NYNRIN: variants seen among roughly 807,000 people sequenced by gnomAD.
NYNRIN encodes the protein protein NYNRIN.
A neutral mutation model predicts 146.6 loss-of-function variants in NYNRIN; 86 were observed. The observed-to-expected ratio is 0.59, with a 90% CI of 0.49 to 0.70. NYNRIN has a LOEUF of 0.70. Ranked by LOEUF, NYNRIN falls within the 30% of genes least tolerant of loss-of-function variation. NYNRIN has a pLI of 0.00. For synonymous variants in NYNRIN, 1,027 were observed against 1,001.3 expected, an observed-to-expected ratio of 1.03 and a Z score of -0.48; for missense variants, 2,191 against 2,377.7, an observed-to-expected ratio of 0.92 and a Z score of 1.63.
Position 24,409,172 on chromosome 14 carries a change from T to A in NYNRIN, c.1378T>A (p.Leu460Met). 6.2e-7 allele frequency: 1 copy of A among 1,613,984 alleles called. No individual in the cohort carries two copies. The highest frequency in any genetic ancestry group is 1.7e-5 in the Admixed American group (1 of 60,024). Residue 460 changes from leucine (L) to methionine (M), a missense_variant, in exon 4 of 9, where the codon TTG (leucine) becomes ATG (methionine). By Grantham distance (15) the Leu-to-Met change is conservative. Coordinates refer to ENST00000382554, the MANE Select transcript of NYNRIN (RefSeq NM_025081.3). ...GATTTCCCCAAAAGTTACGAGTTTA[T>A]TGGTGGTCCCTGGGAGCTCAGATGT... ...PEISPKVTSL[L>M]VVPGSSDVKD...
chr14:24,403,118 G>A (rs532629216), intron 2 of NYNRIN, among the ~76,000 whole-genome samples: 54 of 152,250 alleles, frequency 3.5e-4, no homozygotes, highest in African/African-American at 1.1e-3. Flanking sequence ...CTAAATCTAC[G>A]TTTAGCATTG....
chr14:24,409,570 A>G lies in NYNRIN; in HGVS notation c.1776A>G (p.Pro592=). The G allele has an allele frequency of 6.2e-7, 1 of 1,610,930 alleles. No individual in the cohort carries two copies. Among genetic ancestry groups the G allele is most frequent in the Non-Finnish European group, 8.5e-7 (1 of 1,178,516 alleles). ...EPAAPEVPLA[P]TKPTAQLMAT... ...CAGCTCCCGAAGTGCCTTTGGCTCC[A>G]ACAAAGCCAACAGCTCAACTGATGG... Residue 592 remains proline (P), a synonymous_variant, in exon 4 of 9, where the codon CCA becomes CCG. Coordinates refer to ENST00000382554, the MANE Select transcript of NYNRIN (RefSeq NM_025081.3).
chr14:24,418,019 TGGCCTGCAC>T lies in NYNRIN; in HGVS notation c.*574_*582del. 3.3e-6 allele frequency: 1 copy of T among 300,282 alleles called. No individual in the cohort carries two copies. The highest frequency in any genetic ancestry group is 1.3e-4 in the East Asian group (1 of 7,830). 18.6% of individuals were successfully genotyped at this position (300,282 alleles called of 1,614,324 possible). ...ACGGTCAGCTTTCTCAAGCCAGGTGTGGCCTGCACAGCTCTCAGGGCAGGGCTGGCCATC... is the reference window on the plus strand; with the variant it reads ...ACGGTCAGCTTTCTCAAGCCAGGTGTAGCTCTCAGGGCAGGGCTGGCCATC... On this transcript the variant is annotated 3_prime_UTR_variant, in exon 9 of 9. Transcript: ENST00000382554.
At chr14:24,403,152 G>A (rs992286495) in intron 2 of NYNRIN, among the ~76,000 whole-genome samples, 4 of 152,128 alleles carry the variant, frequency 2.6e-5, no homozygotes, top group South Asian at 2.1e-4. Context: ...TGCACATAGC[G>A]TTCACATCGA....
chr14:24,413,531 T>C (rs1302729510), intron 8 of NYNRIN, 114 bp downstream of exon 8: 6 of 681,432 alleles, frequency 8.8e-6, no homozygotes, highest in African/African-American at 1.8e-5. Context: ...TCTGACTTTT[T>C]CATGTCTTTA....
chr14:24,415,529 C>G lies in NYNRIN; in HGVS notation c.3780C>G (p.Leu1260=). 3 of 1,613,894 alleles carry G rather than the reference C, an allele frequency of 1.9e-6. No individual in the cohort carries two copies. The highest frequency in any genetic ancestry group is 1.6e-4 in the Middle Eastern group (1 of 6,062). The change falls in exon 9 of 9, where the codon CTC becomes CTG. Residue 1260 remains leucine (L), a synonymous_variant. Transcript: ENST00000382554. ...AAGCTTGGTTGATCCGATGGTCCCT[C>G]TTGGTTCAGGACAAAGGCAAGAGGG... ...VSKAWLIRWS[L]LVQDKGKRAL...
chr14:24,407,512 C>G (rs1242814842), intron 2 of NYNRIN, among the ~76,000 whole-genome samples: 1 of 152,210 alleles, frequency 6.6e-6, no homozygotes, highest in Non-Finnish European at 1.5e-5. Context: ...CAGGAGCATC[C>G]AGTTTAACCT....
At chr14:24,403,456 C>T (rs776309298) in intron 2 of NYNRIN, among the ~76,000 whole-genome samples, 8 of 152,244 alleles carry the variant, frequency 5.3e-5, no homozygotes, top group Non-Finnish European at 1.0e-4. Flanking sequence ...TTGCTAGATA[C>T]TCATGTCCTG....
In NYNRIN at chr14:24,418,997, A is replaced by G. The variant is rs570973222; in HGVS notation, c.*1551A>G. 1.3e-5 allele frequency: 2 copies of G among 152,334 alleles called. No individual in the cohort carries two copies. Among genetic ancestry groups the G allele is most frequent in the East Asian group, 3.9e-4 (2 of 5,186 alleles). 9.4% of individuals were successfully genotyped at this position (152,334 alleles called of 1,614,324 possible). ...CTTCATCTCCCTGATCTTCCAGACA[A>G]ACTACCTGGATGTTGCCCTTAAACC... is the stretch of plus-strand genomic sequence containing the variant. On this transcript the variant is annotated 3_prime_UTR_variant, in exon 9 of 9. Coordinates refer to ENST00000382554, the MANE Select transcript of NYNRIN (RefSeq NM_025081.3).
Position 24,416,102 on chromosome 14 carries a change from G to C in NYNRIN, c.4353G>C (p.Gly1451=), listed in dbSNP as rs377148164. The C allele has an allele frequency of 3.1e-6, 5 of 1,614,002 alleles. No individual in the cohort carries two copies. The highest frequency in any genetic ancestry group is 4.2e-6 in the Non-Finnish European group (5 of 1,179,868). ...VDTLAKQGAQ[G]GGQWWSLPKD... The stretch of plus-strand genomic sequence containing the variant: ...CCCTGGCCAAGCAGGGTGCCCAGGG[G>C]GGTGGGCAGTGGTGGAGTTTGCCAA... The change falls in exon 9 of 9, where the codon GGG becomes GGC. Residue 1451 remains glycine, a synonymous_variant. Transcript: ENST00000382554.
Position 24,415,323 on chromosome 14 carries a change from C to T in NYNRIN, c.3574C>T (p.Pro1192Ser), listed in dbSNP as rs982492930. Residue 1192 changes from proline (P) to serine (S), a missense_variant, in exon 9 of 9, where the codon CCC becomes TCC. This residue lies in a region of NYNRIN where 1,291 missense variants were observed against 1,417.0 expected (regional missense o/e 0.91). Transcript: ENST00000382554. ...GCACCCCATAGCCTATACCTCAAAA[C>T]CCCTCCTCCCTGATGAGGAGAGCCA... Reference protein sequence around the residue: ...RKHPIAYTSKPLLPDEESQGP... With the variant: ...RKHPIAYTSKSLLPDEESQGP... 1 of 1,613,962 alleles carries T rather than the reference C, an allele frequency of 6.2e-7. No individual in the cohort carries two copies. The highest frequency in any genetic ancestry group is 8.5e-7 in the Non-Finnish European group (1 of 1,179,872).
rs1404311583 is a variant in NYNRIN, at chr14:24,411,414, T to C, written c.2606T>C (p.Leu869Pro). 1.9e-6 allele frequency: 3 copies of C among 1,613,840 alleles called. No individual in the cohort carries two copies. Among genetic ancestry groups the C allele is most frequent in the South Asian group, 1.1e-5 (1 of 91,074 alleles). ...ATGCTTTCAATCACACCCTCCCAGC[T>C]TGAGAATGGCAAGAAGATCACCACC... Reference protein sequence around the residue: ...LKMLSITPSQLENGKKITTYD... With the variant: ...LKMLSITPSQPENGKKITTYD... The change falls in exon 6 of 9, where the codon CTT (leucine) becomes CCT (proline). Residue 869 changes from leucine to proline, a missense_variant. Physicochemically the swap from Leu to Pro is moderately conservative, Grantham distance 98 (BLOSUM62 -3). Coordinates refer to ENST00000382554, the MANE Select transcript of NYNRIN (RefSeq NM_025081.3). The surrounding 1 kb of genome is among the most constrained non-coding windows in gnomAD (Gnocchi z 4.3).
Position 24,408,678 on chromosome 14 carries a change from T to G in NYNRIN, c.884T>G (p.Met295Arg). ...VRVGSNNQDG[M>R]DSAQEEGTVQ... ...GTCGGTTCCAACAACCAAGATGGTATGGACAGTGCTCAAGAGGAAGGGACA... is the reference window on the plus strand; with the variant it reads ...GTCGGTTCCAACAACCAAGATGGTAGGGACAGTGCTCAAGAGGAAGGGACA... The change falls in exon 4 of 9, where the codon ATG (methionine) becomes AGG (arginine). Residue 295 changes from methionine (M) to arginine (R), a missense_variant. By Grantham distance (91) the Met-to-Arg change is moderately conservative (BLOSUM62 -1). Transcript: ENST00000382554. 1 of 1,611,524 alleles carries G rather than the reference T, an allele frequency of 6.2e-7. No individual in the cohort carries two copies. The highest frequency in any genetic ancestry group is 8.5e-7 in the Non-Finnish European group (1 of 1,178,684).
chr14:24,408,163 G>A lies in NYNRIN; in HGVS notation c.493G>A (p.Ala165Thr), dbSNP rs747561773. ...WEAEVTRAFGALVWIRGDQHA... is the reference protein window; with the variant it reads ...WEAEVTRAFGTLVWIRGDQHA... Reference sequence around the variant, plus strand: ...GGCTGAGGTGACCCGGGCCTTTGGGGCCCTGGTCTGGATCCGTGGTGACCA... The same window carrying A: ...GGCTGAGGTGACCCGGGCCTTTGGGACCCTGGTCTGGATCCGTGGTGACCA... Residue 165 changes from alanine (A) to threonine (T), a missense_variant, in exon 3 of 9, where the codon GCC (alanine) becomes ACC (threonine). By Grantham distance (58) the Ala-to-Thr change is moderately conservative (BLOSUM62 0). This residue lies in a region of NYNRIN where 895 missense variants were observed against 941.2 expected (regional missense o/e 0.95). Transcript: ENST00000382554. The A allele has an allele frequency of 2.5e-6, 4 of 1,602,240 alleles. No individual in the cohort carries two copies. The African/African-American group carries it at 4.0e-5, about 16-fold the overall frequency.
At chr14:24,405,527 TG>T (rs1373557098) in intron 2 of NYNRIN, among the ~76,000 whole-genome samples, 1 of 152,222 alleles carries the variant, frequency 6.6e-6, no homozygotes, top group Non-Finnish European at 1.5e-5. Flanking sequence ...GAAGAAGGTC[TG>T]GGTTGGCTTT....
In NYNRIN at chr14:24,409,366, G is replaced by C; in HGVS notation, c.1572G>C (p.Val524=). 6.2e-7 allele frequency: 1 copy of C among 1,614,048 alleles called. No individual in the cohort carries two copies. Among genetic ancestry groups the C allele is most frequent in the Non-Finnish European group, 8.5e-7 (1 of 1,179,896 alleles). ...PVLPTGQGKP[V]AQGGLTDQSV... ...TGCCAACAGGGCAAGGGAAGCCCGT[G>C]GCTCAAGGGGGGCTGACAGATCAGT... The change falls in exon 4 of 9, where the codon GTG becomes GTC. Residue 524 remains valine, a synonymous_variant. Coordinates refer to ENST00000382554, the MANE Select transcript of NYNRIN (RefSeq NM_025081.3).
rs1159429851 is a variant in NYNRIN at position 24,409,356 on chromosome 14, G to A, written c.1562G>A (p.Gly521Glu). Residue 521 changes from glycine (G) to glutamate (E), a missense_variant, in exon 4 of 9, where the codon GGG (glycine) becomes GAG (glutamate). Coordinates refer to ENST00000382554, the MANE Select transcript of NYNRIN (RefSeq NM_025081.3). ...GPAPVLPTGQGKPVAQGGLTD... is the reference protein window; with the variant it reads ...GPAPVLPTGQEKPVAQGGLTD... ...GCTCCAGTGCTGCCAACAGGGCAAGGGAAGCCCGTGGCTCAAGGGGGGCTG... is the reference window on the plus strand; with the variant it reads ...GCTCCAGTGCTGCCAACAGGGCAAGAGAAGCCCGTGGCTCAAGGGGGGCTG... 1 of 1,613,930 alleles carries A rather than the reference G, an allele frequency of 6.2e-7. No individual in the cohort carries two copies. The highest frequency in any genetic ancestry group is 8.5e-7 in the Non-Finnish European group (1 of 1,179,904).
intron 6 of NYNRIN, 53 bp from the exon 7 acceptor site, chr14:24,412,944 G>A (rs1204312027): frequency 3.3e-6 from 4 of 1,202,500 alleles, no homozygotes; most frequent in Non-Finnish European, 2.4e-6. Context: ...AGATGACCCA[G>A]GAAGTGAGGG....
Position 24,415,801 on chromosome 14 carries a change from C to T in NYNRIN, c.4052C>T (p.Thr1351Ile), listed in dbSNP as rs1464448323. The change falls in exon 9 of 9, where the codon ACC (threonine) becomes ATC (isoleucine). Residue 1351 changes from threonine (T) to isoleucine (I), a missense_variant. Coordinates refer to ENST00000382554, the MANE Select transcript of NYNRIN (RefSeq NM_025081.3). ...LSFSCSPYTP[T>I]YAHLAAVACG... ...TTCTCCTGCTCCCCTTACACGCCAA[C>T]CTATGCCCACCTGGCAGCCGTGGCC... The T allele has an allele frequency of 1.2e-6, 2 of 1,613,892 alleles. No individual in the cohort carries two copies. Among genetic ancestry groups the T allele is most frequent in the Non-Finnish European group, 1.7e-6 (2 of 1,179,906 alleles).
Sources: gnomAD v4.1 joint callset for allele counts (sites outside exome capture counted in the v4.1 genomes callset) on GRCh38, gnomAD v4.1.1 for gene constraint, gnomAD v4.1.1 regional missense constraint, Gnocchi (gnomAD v3.1) non-coding constraint, MANE v1.5 for transcripts, NCBI Gene and HGNC (gene_info 2026-07-23, HGNC 2026-07-21) for gene names.